The following CHTOP variants were observed in gnomAD, a reference collection of about 807,000 sequenced individuals.
CHTOP encodes the protein chromatin target of PRMT1.
Under a neutral mutation model 33.6 loss-of-function variants are expected in CHTOP, and 18 were observed. The observed-to-expected ratio is 0.54, with a 90% confidence interval of 0.37 to 0.80. The LOEUF (loss-of-function observed/expected upper bound fraction) is 0.80. Ranked by LOEUF, CHTOP falls within the 30% of genes least tolerant of loss-of-function variation. The pLI is 0.00. For missense variants in CHTOP, 263 were observed against 336.8 expected (o/e 0.78, Z 1.71); for synonymous variants, 117 against 127.7 (o/e 0.92, Z 0.56).
intron 1 of CHTOP, among the ~76,000 whole-genome samples, chr1:153,635,130 G>A (rs1668309306): frequency 6.6e-6 from 1 of 151,974 alleles, no homozygotes; most frequent in Non-Finnish European, 1.5e-5. Flanking sequence ...GAAAACAGGC[G>A]TGAGCCACCG....
rs756314037 is a variant in CHTOP at position 153,645,197 on chromosome 1, G to A, written c.675G>A (p.Ser225=). ...ACAACCAATTGGATGCATATATGTC[G>A]AAAACAAAAGGACACCTGGATGCTG... ...QLDNQLDAYM[S]KTKGHLDAEL... The change falls in exon 6 of 6, where the codon TCG becomes TCA. Residue 225 remains serine, a synonymous_variant. Transcript: ENST00000368694. The A allele has an allele frequency of 8.1e-6, 13 of 1,614,090 alleles. No homozygotes were observed. The African/African-American group carries it at 9.3e-5, about 12-fold the overall frequency.
At position 153,634,209 on chromosome 1, in the gene CHTOP, C is replaced by T. The variant is rs1266787430; in HGVS notation, c.-152C>T. On this transcript the variant is annotated 5_prime_UTR_variant, in exon 1 of 6. Transcript: ENST00000368694. ...AACGAACTGAGCTCGCATACTACCG[C>T]TTACGCATCTAACCAACCGCCCATC... The T allele has an allele frequency of 2.0e-5, 3 of 152,778 alleles. No homozygotes were observed. Among genetic ancestry groups the T allele is most frequent in the African/African-American group, 4.8e-5 (2 of 41,478 alleles). 9.5% of individuals were successfully genotyped at this position (152,778 alleles called of 1,614,324 possible). A position where few individuals can be genotyped will look rare whatever the true frequency, so the allele number is the denominator to read the frequency against.
chr1:153,645,006 C>A, intron 5 of CHTOP, 58 bp from the exon 6 acceptor site: 1 of 1,512,500 alleles, frequency 6.6e-7, no homozygotes, highest in Non-Finnish European at 9.0e-7. Flanking sequence ...TTTACTACAG[C>A]ACCTATTAAA....
chr1:153,635,288 C>T (rs1465616303), intron 1 of CHTOP, among the ~76,000 whole-genome samples: 2 of 151,880 alleles, frequency 1.3e-5, no homozygotes, highest in Non-Finnish European at 2.9e-5. Flanking sequence ...TTGATCTAGG[C>T]CCAGATGTCT....
intron 3 of CHTOP, among the ~76,000 whole-genome samples, chr1:153,641,940 A>G (rs903605234): frequency 6.6e-6 from 1 of 152,256 alleles, no homozygotes; most frequent in Non-Finnish European, 1.5e-5. Flanking sequence ...ACGAAAACTT[A>G]AGTTTCAACT....
intron 3 of CHTOP, among the ~76,000 whole-genome samples, chr1:153,640,456 G>A (rs1360033662): frequency 2.0e-5 from 3 of 151,974 alleles, no homozygotes; most frequent in Admixed American, 2.0e-4. Flanking sequence ...GTGACAGTGA[G>A]ACTCTGTCTC....
In CHTOP at chr1:153,634,730, A is replaced by G. The variant is rs572960206; in HGVS notation, c.-18+387A>G. Reference sequence around the variant, plus strand: ...GCTAATTCCCAGGTGAATTTAGAAAACCTTTCCTACTCCCCCAGATCGTCA... The same window carrying G: ...GCTAATTCCCAGGTGAATTTAGAAAGCCTTTCCTACTCCCCCAGATCGTCA... On this transcript the variant is annotated intron_variant, in intron 1 of 5. Transcript: ENST00000368694. 2.7e-5 allele frequency among the ~76,000 whole-genome samples: 3 copies of G among 110,832 alleles called. No homozygotes were observed. The East Asian group carries it at 8.5e-4, about 32-fold the overall frequency. 72.7% of individuals were successfully genotyped at this position (110,832 alleles called of 152,430 possible).
chr1:153,642,236 C>T lies in CHTOP; in HGVS notation c.220-10C>T, dbSNP rs7549308. The T allele has an allele frequency of 0.049, 77,855 of 1,597,304 alleles. 2,911 individuals carry two copies. Among genetic ancestry groups the T allele is most frequent in the Middle Eastern group, 0.17 (990 of 5,978 alleles). On this transcript the variant is annotated splice_polypyrimidine_tract_variant and intron_variant, in intron 3 of 5. Coordinates refer to ENST00000368694, the MANE Select transcript of CHTOP (RefSeq NM_015607.4). Reference sequence around the variant, plus strand: ...TGATCTCAATCCCCTAACACCTTTTCTTCCAGAAGAGCTTAAAGCAGCGCC... The same window carrying T: ...TGATCTCAATCCCCTAACACCTTTTTTTCCAGAAGAGCTTAAAGCAGCGCC...
At chr1:153,641,887 T>C (rs1668637893) in intron 3 of CHTOP, among the ~76,000 whole-genome samples, 1 of 152,234 alleles carries the variant, frequency 6.6e-6, no homozygotes, top group East Asian at 1.9e-4. Flanking sequence ...CAACCTGTAG[T>C]TCAAAAGCAG....
intron 3 of CHTOP, among the ~76,000 whole-genome samples, chr1:153,639,156 C>T (rs1668523758): frequency 6.6e-6 from 1 of 152,194 alleles, no homozygotes; most frequent in Admixed American, 6.5e-5. Flanking sequence ...GCTGGGATTA[C>T]AGGCTTGAGC....
intron 1 of CHTOP, 96 bp downstream of exon 1, chr1:153,634,439 T>G (rs372651914): frequency 2.0e-5 from 3 of 152,750 alleles, no homozygotes; most frequent in East Asian, 1.9e-4. Context: ...CATGTGGACA[T>G]AGCTACGGTG....
At position 153,645,242 on chromosome 1, in the gene CHTOP, G is replaced by A. The variant is rs189791185; in HGVS notation, c.720G>A (p.Ala240=). The change falls in exon 6 of 6, where the codon GCG becomes GCA. Residue 240 remains alanine (A), a synonymous_variant. Coordinates refer to ENST00000368694, the MANE Select transcript of CHTOP (RefSeq NM_015607.4). ...ATGCTGAGTTGGATGCCTACATGGC[G>A]CAGACAGATCCCGAAACCAATGATT... ...HLDAELDAYM[A]QTDPETND 87 of 1,614,168 alleles carry A rather than the reference G, an allele frequency of 5.4e-5. No homozygotes were observed. In the East Asian group the frequency reaches 1.3e-3, roughly 24 times the overall value.
rs1209192830 is a variant in CHTOP, at chr1:153,645,665, C to CCCAGAAAAA, written c.*399_*407dup. ...ATCCCTGTTGCCCCCACAGAAACATCCCAGAAAAACCGGTCAGTGTTCCTT... is the reference window on the plus strand; with the variant it reads ...ATCCCTGTTGCCCCCACAGAAACATCCCAGAAAAACCAGAAAAACCGGTCAGTGTTCCTT... On this transcript the variant is annotated 3_prime_UTR_variant, in exon 6 of 6. Transcript: ENST00000368694. 1 of 182,446 alleles carries CCCAGAAAAA rather than the reference C, an allele frequency of 5.5e-6. No homozygotes were observed. Among genetic ancestry groups the CCCAGAAAAA allele is most frequent in the African/African-American group, 2.4e-5 (1 of 42,072 alleles). 11.3% of individuals were successfully genotyped at this position (182,446 alleles called of 1,614,324 possible). A position where few individuals can be genotyped will look rare whatever the true frequency, so the allele number is the denominator to read the frequency against.
intron 3 of CHTOP, among the ~76,000 whole-genome samples, chr1:153,641,069 G>A (rs12564925): frequency 0.57 from 86,571 of 152,148 alleles, 25,005 homozygotes; most frequent in East Asian, 0.7. Flanking sequence ...AGGACAGGCC[G>A]TTACGGTTGG....
chr1:153,635,060 A>G lies in CHTOP; in HGVS notation c.-18+717A>G, dbSNP rs1022805761. On this transcript the variant is annotated intron_variant, in intron 1 of 5. Transcript: ENST00000368694. ...TAGAGACATTTCTCCATGATGGTCA[A>G]GCTGGTCTCGAACTCCCAACCTCAG... 7.9e-5 allele frequency among the ~76,000 whole-genome samples: 12 copies of G among 152,058 alleles called. No homozygotes were observed. In the East Asian group the frequency reaches 1.9e-3, roughly 25 times the overall value.
chr1:153,638,360 A>C lies in CHTOP; in HGVS notation c.131A>C (p.Gln44Pro). ...PVNIRASMQQQQQLASARNRR... is the reference protein window; with the variant it reads ...PVNIRASMQQPQQLASARNRR... Reference sequence around the variant, plus strand: ...AATATTCGGGCTTCGATGCAGCAACAACAGCAGCTAGCCAGTGCCAGAAAC... The same window carrying C: ...AATATTCGGGCTTCGATGCAGCAACCACAGCAGCTAGCCAGTGCCAGAAAC... Residue 44 changes from glutamine (Q) to proline (P), a missense_variant, in exon 3 of 6, where the codon CAA becomes CCA. Physicochemically the swap from Gln to Pro is moderately conservative, Grantham distance 76. Transcript: ENST00000368694. 3 of 1,614,262 alleles carry C rather than the reference A, an allele frequency of 1.9e-6. No individual in the cohort carries two copies. Among genetic ancestry groups the C allele is most frequent in the Non-Finnish European group, 2.5e-6 (3 of 1,180,040 alleles).
chr1:153,644,313 ATTATC>A (rs1668728327), intron 5 of CHTOP: 1 of 152,214 alleles, frequency 6.6e-6, no homozygotes, highest in South Asian at 2.1e-4. Flanking sequence ...ATGTTTCCAA[ATTATC>A]TTGACTTGGA....
chr1:153,634,403 C>G (rs1422143093), intron 1 of CHTOP, 60 bp downstream of exon 1: 1 of 152,964 alleles, frequency 6.5e-6, no homozygotes, highest in Non-Finnish European at 1.5e-5. Flanking sequence ...CGGAAGGGGC[C>G]GGCGGACGCG....
chr1:153,643,135 C>T (rs1668687384), intron 4 of CHTOP, 92 bp from the exon 5 acceptor site: 2 of 1,493,204 alleles, frequency 1.3e-6, no homozygotes, highest in East Asian at 4.5e-5. Context: ...ACTGAATTAC[C>T]TTCATTTAAC....
Sources: allele counts gnomAD v4.1 joint callset (sites outside exome capture counted in the v4.1 genomes callset), GRCh38; gene constraint gnomAD v4.1.1; transcripts MANE v1.5; gene names NCBI Gene and HGNC (gene_info 2026-07-23, HGNC 2026-07-21).